Variants in BBX observed in about 807,000 individuals in gnomAD.
BBX encodes BBX high mobility group box domain containing, also known as HMG box transcription factor BBX.
Under a neutral mutation model 100.2 loss-of-function variants are expected in BBX, and 30 were observed. The ratio of observed to expected loss-of-function variants is 0.30; its 90% CI spans 0.22 to 0.41. The LOEUF is 0.41. BBX is among the 10% of genes least tolerant of loss of function. The pLI is 1.00. For synonymous variants in BBX, 376 were observed against 388.1 expected, an observed-to-expected ratio of 0.97 and a Z score of 0.37; for missense variants, 1,023 against 1,129.8, an observed-to-expected ratio of 0.91 and a Z score of 1.35.
At chr3:107,572,057 T>C (rs777296814) in intron 2 of BBX, among the ~76,000 whole-genome samples, 1 of 152,172 alleles carries the variant, frequency 6.6e-6, no homozygotes, top group Non-Finnish European at 1.5e-5. Context: ...AACAACATAA[T>C]ATGAAAGGGT....
chr3:107,524,748 G>T (rs977697483), intron 1 of BBX, among the ~76,000 whole-genome samples: 1 of 131,202 alleles, frequency 7.6e-6, no homozygotes, highest in African/African-American at 2.8e-5. Context: ...ACTGTCTGTG[G>T]ACAAATTAGT....
Position 107,728,823 on chromosome 3 carries a change from A to G in BBX, c.464A>G (p.Lys155Arg). The G allele has an allele frequency of 6.2e-7, 1 of 1,613,902 alleles. No homozygotes were observed. The highest frequency in any genetic ancestry group is 8.5e-7 in the Non-Finnish European group (1 of 1,179,860). ...PGYKWCPTTN[K>R]PVKSPTPTVN... is the part of the protein sequence containing the mutation. ...TACAAATGGTGTCCTACCACAAACAAGCCTGTGAAATCCCCAACACCCACT... is the reference window on the plus strand; with the variant it reads ...TACAAATGGTGTCCTACCACAAACAGGCCTGTGAAATCCCCAACACCCACT... The change falls in exon 6 of 18, where the codon AAG becomes AGG. Residue 155 changes from lysine (K) to arginine (R), a missense_variant. This residue lies in a region of BBX where 229 missense variants were observed against 226.3 expected (regional missense o/e 1.01). Coordinates refer to ENST00000325805, the MANE Select transcript of BBX (RefSeq NM_001142568.3).
chr3:107,532,136 G>A (rs748532335), intron 2 of BBX, among the ~76,000 whole-genome samples: 4 of 152,012 alleles, frequency 2.6e-5, no homozygotes, highest in Non-Finnish European at 4.4e-5. Flanking sequence ...TGAGGCTGCG[G>A]TGAGCCATGA....
chr3:107,742,460 A>G (rs1252989454), intron 7 of BBX, among the ~76,000 whole-genome samples: 3 of 152,034 alleles, frequency 2.0e-5, no homozygotes, highest in Non-Finnish European at 2.9e-5. Context: ...TGCTGTTTCC[A>G]CTATACTATA....
intron 15 of BBX, among the ~76,000 whole-genome samples, chr3:107,794,273 G>A (rs1309517621): frequency 2.0e-5 from 3 of 151,792 alleles, no homozygotes; most frequent in Admixed American, 6.6e-5. Context: ...TATCAGCCCC[G>A]AATACATGGT....
intron 3 of BBX, among the ~76,000 whole-genome samples, chr3:107,656,750 T>C (rs2058166973): frequency 1.3e-5 from 2 of 152,206 alleles, no homozygotes; most frequent in Admixed American, 6.5e-5. Flanking sequence ...TTACTAATTA[T>C]CATGTGCAAG....
At chr3:107,726,848 G>C (rs2062981849) in intron 5 of BBX, among the ~76,000 whole-genome samples, 1 of 152,078 alleles carries the variant, frequency 6.6e-6, no homozygotes, top group South Asian at 2.1e-4. Context: ...CTGTCATCTA[G>C]TCAGTGCTCA....
chr3:107,615,965 A>G (rs557334192), intron 2 of BBX, among the ~76,000 whole-genome samples: 11 of 125,992 alleles, frequency 8.7e-5, no homozygotes, highest in Non-Finnish European at 1.6e-4. Flanking sequence ...GTCCCCACCC[A>G]TGGAATGAGA....
rs1576325691 is a variant in BBX, at chr3:107,565,540, G to A, written c.-84+39142G>A. 2.7e-5 allele frequency among the ~76,000 whole-genome samples: 4 copies of A among 150,850 alleles called. No individual in the cohort carries two copies. In the South Asian group the frequency reaches 6.3e-4, roughly 24 times the overall value. Reference sequence around the variant, plus strand: ...GGCTGGAGGGCAGTGGCGCAATCTCGGCTCACTGCAACCTCTGCCTCCCAG... The same window carrying A: ...GGCTGGAGGGCAGTGGCGCAATCTCAGCTCACTGCAACCTCTGCCTCCCAG... On this transcript the variant is annotated intron_variant, in intron 2 of 17. Transcript: ENST00000325805.
chr3:107,624,777 A>G (rs1276747577), intron 2 of BBX, among the ~76,000 whole-genome samples: 4 of 152,144 alleles, frequency 2.6e-5, no homozygotes, highest in African/African-American at 9.7e-5. Context: ...GCTGAGGCAC[A>G]AGAATCGCTT....
chr3:107,773,707 A>C lies in BBX; in HGVS notation c.1915+71A>C. ...AATTTCACCTTTAGACCTATTGAAA[A>C]CAACTGCCATAAAAAACAATATGGT... On this transcript the variant is annotated intron_variant, in intron 11 of 17. Coordinates refer to ENST00000325805, the MANE Select transcript of BBX (RefSeq NM_001142568.3). The surrounding 1 kb of genome is among the most constrained non-coding windows in gnomAD (Gnocchi z 4.1). 1 of 1,366,882 alleles carries C rather than the reference A, an allele frequency of 7.3e-7. No homozygotes were observed. Among genetic ancestry groups the C allele is most frequent in the Admixed American group, 2.6e-5 (1 of 38,470 alleles). 84.7% of individuals were successfully genotyped at this position (1,366,882 alleles called of 1,614,324 possible).
At chr3:107,556,922 G>A (rs1317137651) in intron 2 of BBX, among the ~76,000 whole-genome samples, 2 of 152,112 alleles carry the variant, frequency 1.3e-5, no homozygotes, top group Admixed American at 6.5e-5. Context: ...TGTTGCCAGA[G>A]CTCAGGTTTG....
intron 13 of BBX, among the ~76,000 whole-genome samples, chr3:107,781,340 A>C (rs539585718): frequency 1.1e-4 from 16 of 152,198 alleles, no homozygotes; most frequent in African/African-American, 3.9e-4. Context: ...AATAACTTTA[A>C]AGGCCACTTT....
chr3:107,725,280 GTTGC>G (rs1426322412), intron 5 of BBX, among the ~76,000 whole-genome samples: 1 of 152,180 alleles, frequency 6.6e-6, no homozygotes. Flanking sequence ...CTTTGCTGAA[GTTGC>G]TTATCAGCTT....
At chr3:107,801,335 T>C (rs775413243) in intron 17 of BBX, 54 bp downstream of exon 17, 9 of 1,560,946 alleles carry the variant, frequency 5.8e-6, no homozygotes, top group African/African-American at 2.7e-5. Flanking sequence ...ATCAACCTCT[T>C]TGATGTGATT....
At chr3:107,565,286 A>G (rs1004406583) in intron 2 of BBX, among the ~76,000 whole-genome samples, 79 of 150,844 alleles carry the variant, frequency 5.2e-4, no homozygotes, top group African/African-American at 1.8e-3. Context: ...TCAATCGTTT[A>G]GTTTTCTTCT....
chr3:107,686,654 G>T lies in BBX; in HGVS notation c.-9-23798G>T, dbSNP rs182433881. On this transcript the variant is annotated intron_variant, in intron 3 of 17. Coordinates refer to ENST00000325805, the MANE Select transcript of BBX (RefSeq NM_001142568.3). The stretch of plus-strand genomic sequence containing the variant: ...ACTCCCCATTGATTTTTTCATCATG[G>T]AGGAGCCTCTCAGTGTTCCAGGTAG... Among the ~76,000 whole-genome samples the T allele has an allele frequency of 6.6e-3, 999 of 152,142 alleles. 15 individuals carry two copies. The highest frequency in any genetic ancestry group is 0.023 in the African/African-American group (955 of 41,492).
At chr3:107,652,575 A>G (rs554266994) in intron 3 of BBX, among the ~76,000 whole-genome samples, 7 of 152,352 alleles carry the variant, frequency 4.6e-5, no homozygotes, top group African/African-American at 1.4e-4. Flanking sequence ...ATTAAGATCA[A>G]TCTAATGATT....
chr3:107,527,047 C>T (rs764149281), intron 2 of BBX, among the ~76,000 whole-genome samples: 2 of 152,126 alleles, frequency 1.3e-5, no homozygotes, highest in African/African-American at 4.8e-5. Context: ...TTGTTAAGTG[C>T]CTTTTTCAGA....
Sources: gnomAD v4.1 joint callset for allele counts (sites outside exome capture counted in the v4.1 genomes callset) on GRCh38, gnomAD v4.1.1 for gene constraint, gnomAD v4.1.1 regional missense constraint, Gnocchi (gnomAD v3.1) non-coding constraint, MANE v1.5 for transcripts, NCBI Gene and HGNC (gene_info 2026-07-23, HGNC 2026-07-21) for gene names.